Variants in MAGOH observed in about 807,000 individuals in gnomAD.
MAGOH encodes the protein mago homolog, exon junction complex subunit, also known as protein mago nashi homolog.
In MAGOH, 3 loss-of-function variants were observed where a neutral mutation model predicts 20.9. That is an observed-to-expected ratio of 0.14 (90% confidence interval 0.07 to 0.37). The LOEUF (loss-of-function observed/expected upper bound fraction) is 0.37, where lower values mean the gene tolerates loss of function less well. MAGOH is among the 10% of genes least tolerant of loss of function. The pLI, the probability that MAGOH is intolerant of heterozygous loss-of-function variation, is 1.00. For synonymous variants in MAGOH, 51 were observed against 61.0 expected, an observed-to-expected ratio of 0.84 and a Z score of 0.76; for missense variants, 66 against 178.1, an observed-to-expected ratio of 0.37 and a Z score of 3.58.
At chr1:53,238,219 GTGGC>G (rs1645626108) in intron 1 of MAGOH, 138 bp downstream of exon 1, 3 of 699,704 alleles carry the variant, frequency 4.3e-6, no homozygotes, top group Non-Finnish European at 2.5e-6. Context: ...AGCAGACACA[GTGGC>G]GTTCCTTTAA....
chr1:53,233,717 G>A, intron 2 of MAGOH, 65 bp from the exon 3 acceptor site: 1 of 1,004,306 alleles, frequency 1.0e-6, no homozygotes, highest in Non-Finnish European at 1.6e-6. Context: ...CTCAGATAGT[G>A]ATGGAAGATA....
rs74086822 is a variant in MAGOH at position 53,236,570 on chromosome 1, T to C, written c.89-935A>G. Among the ~76,000 whole-genome samples the C allele has an allele frequency of 2.8e-3, 424 of 152,360 alleles. 1 individual carries two copies. The highest frequency in any genetic ancestry group is 9.9e-3 in the African/African-American group (410 of 41,592). On this transcript the variant is annotated intron_variant, in intron 1 of 4. Transcript: ENST00000371470. ...TTGCATGCTGTCTAAAATGCCTTCT[T>C]GACTCTTCTTCGTCTCCTAACCAAT...
At chr1:53,228,975 C>T (rs772211694) in intron 3 of MAGOH, 21 bp from the exon 4 acceptor site, 43 of 1,524,310 alleles carry the variant, frequency 2.8e-5, no homozygotes, top group African/African-American at 1.2e-4. Flanking sequence ...TTTAGAAAAT[C>T]GAAGTCAAGT....
At chr1:53,235,995 G>T (rs1645608529) in intron 1 of MAGOH, among the ~76,000 whole-genome samples, 1 of 152,190 alleles carries the variant, frequency 6.6e-6, no homozygotes, top group Admixed American at 6.5e-5. Flanking sequence ...AGGCTCAAAT[G>T]AGCTGTGAAA....
rs1222964109 is a variant in MAGOH, at chr1:53,233,526, A to C, written c.258+16T>G. On this transcript the variant is annotated intron_variant, in intron 3 of 4. Transcript: ENST00000371470. ...TTGTAAGATTTCTGCACTACAGGAT[A>C]ATCAATAAAACACACCTGCCGGCCC... The C allele has an allele frequency of 1.3e-6, 2 of 1,582,592 alleles. No individual in the cohort carries two copies. The highest frequency in any genetic ancestry group is 1.7e-5 in the Admixed American group (1 of 59,650).
In MAGOH at chr1:53,233,582, T is replaced by A; in HGVS notation, c.218A>T (p.Asp73Val). 2.5e-6 allele frequency: 4 copies of A among 1,614,126 alleles called. No individual in the cohort carries two copies. The highest frequency in any genetic ancestry group is 3.4e-6 in the Non-Finnish European group (4 of 1,179,990). ...GTCAGGAGGAGGCCACAATGCATCATCCTCTTTGGTAATTTCACTGTCGTC... is the reference window on the plus strand; with the variant it reads ...GTCAGGAGGAGGCCACAATGCATCAACCTCTTTGGTAATTTCACTGTCGTC... ...IIDDSEITKE[D>V]DALWPPPDRV... The change falls in exon 3 of 5, where the codon GAT becomes GTT. Residue 73 changes from aspartate (D) to valine (V), a missense_variant. Transcript: ENST00000371470.
intron 3 of MAGOH, among the ~76,000 whole-genome samples, chr1:53,230,180 G>C (rs777162420): frequency 2.4e-4 from 37 of 152,172 alleles, no homozygotes; most frequent in Admixed American, 6.5e-4. Flanking sequence ...ATATTCTTGT[G>C]AGGCCTATTT....
chr1:53,233,720 G>T, intron 2 of MAGOH, 68 bp from the exon 3 acceptor site: 1 of 991,602 alleles, frequency 1.0e-6, no homozygotes, highest in Non-Finnish European at 1.6e-6. Context: ...AGATAGTGAT[G>T]GAAGATAAAA....
intron 3 of MAGOH, among the ~76,000 whole-genome samples, chr1:53,232,543 A>C (rs1645591129): frequency 6.6e-6 from 1 of 152,224 alleles, no homozygotes; most frequent in Non-Finnish European, 1.5e-5. Flanking sequence ...TCACTGAGGA[A>C]GTGACTTTTG....
chr1:53,229,281 C>T (rs534314016), intron 3 of MAGOH, among the ~76,000 whole-genome samples: 14 of 151,978 alleles, frequency 9.2e-5, no homozygotes, highest in African/African-American at 3.4e-4. Flanking sequence ...TCACTGCAAC[C>T]TCCGCCTCCC....
At position 53,230,456 on chromosome 1, in the gene MAGOH, C is replaced by CA. The variant is rs1645580881; in HGVS notation, c.259-1503dup. Among the ~76,000 whole-genome samples the CA allele has an allele frequency of 3.3e-5, 5 of 152,282 alleles. No homozygotes were observed. The South Asian group carries it at 1.0e-3, about 32-fold the overall frequency. On this transcript the variant is annotated intron_variant, in intron 3 of 4. Transcript: ENST00000371470. ...TTTTAGATACAGGATCTCACTCTGTCACTGAAGCTGAAGTATAGTAGTAGG... is the reference window on the plus strand; with the variant it reads ...TTTTAGATACAGGATCTCACTCTGTCAACTGAAGCTGAAGTATAGTAGTAGG...
At chr1:53,233,375 A>C in intron 3 of MAGOH, 167 bp downstream of exon 3, 1 of 529,794 alleles carries the variant, frequency 1.9e-6, no homozygotes, top group South Asian at 3.0e-5. Context: ...TTTTCCTTTC[A>C]TTAGATTGTT....
intron 1 of MAGOH, among the ~76,000 whole-genome samples, chr1:53,238,023 T>C (rs1043174002): frequency 1.3e-5 from 2 of 152,240 alleles, no homozygotes; most frequent in Non-Finnish European, 2.9e-5. Context: ...ATGTTATTTT[T>C]TGACCACTCA....
intron 2 of MAGOH, 86 bp from the exon 3 acceptor site, chr1:53,233,738 T>A: frequency 1.2e-6 from 1 of 868,428 alleles, no homozygotes; most frequent in Non-Finnish European, 1.9e-6. Flanking sequence ...AAAATAACTG[T>A]TCCTGCAGAC....
chr1:53,235,692 A>G, intron 1 of MAGOH, 57 bp from the exon 2 acceptor site: 1 of 1,418,564 alleles, frequency 7.0e-7, no homozygotes, highest in Non-Finnish European at 9.9e-7. Context: ...TAAAGCATCA[A>G]TACCATGCCA....
chr1:53,237,349 A>G (rs1645616944), intron 1 of MAGOH, among the ~76,000 whole-genome samples: 2 of 151,754 alleles, frequency 1.3e-5, no homozygotes, highest in East Asian at 3.9e-4. Context: ...ATGCTTTTTC[A>G]AGAAGAGATC....
At chr1:53,233,854 T>C (rs1346200198) in intron 2 of MAGOH, 3 of 486,040 alleles carry the variant, frequency 6.2e-6, no homozygotes, top group East Asian at 7.4e-5. Context: ...CTCAGTCCCC[T>C]ATCTAGCTGT....
intron 3 of MAGOH, among the ~76,000 whole-genome samples, chr1:53,229,841 C>T (rs1475404164): frequency 1.3e-5 from 2 of 152,096 alleles, no homozygotes; most frequent in Non-Finnish European, 2.9e-5. Flanking sequence ...ATTCCTTCAC[C>T]CCAGGAGGTC....
chr1:53,227,531 TTTTTG>T (rs965464685), intron 4 of MAGOH, among the ~76,000 whole-genome samples: 5 of 152,260 alleles, frequency 3.3e-5, no homozygotes, highest in South Asian at 2.1e-4. Context: ...TAGAAAACTT[TTTTTG>T]TTTTGTTTTG....
Sources: gnomAD v4.1 joint callset for allele counts (sites outside exome capture counted in the v4.1 genomes callset) on GRCh38, gnomAD v4.1.1 for gene constraint, MANE v1.5 for transcripts, NCBI Gene and HGNC (gene_info 2026-07-23, HGNC 2026-07-21) for gene names.